The following PIK3AP1 variants were observed in gnomAD, a reference collection of about 807,000 sequenced individuals.
The protein encoded by PIK3AP1 is phosphoinositide-3-kinase adaptor protein 1, also known as phosphoinositide 3-kinase adapter protein 1.
In PIK3AP1, 21 loss-of-function variants were observed where a neutral mutation model predicts 88.1. The ratio of observed to expected loss-of-function variants is 0.24; its 90% CI spans 0.17 to 0.34. The LOEUF (loss-of-function observed/expected upper bound fraction) is 0.34. Ranked by LOEUF, PIK3AP1 falls within the 10% of genes least tolerant of loss-of-function variation. The pLI is 1.00. For synonymous variants in PIK3AP1, 398 were observed against 400.0 expected, an observed-to-expected ratio of 1.00 and a Z score of 0.06; for missense variants, 828 against 1,035.7, an observed-to-expected ratio of 0.80 and a Z score of 2.75.
chr10:96,600,835 C>A (rs1183932690), intron 16 of PIK3AP1, among the ~76,000 whole-genome samples: 1 of 152,172 alleles, frequency 6.6e-6, no homozygotes, highest in African/African-American at 2.4e-5. Flanking sequence ...TTTTAAACAT[C>A]GAAGAGTTAA....
intron 13 of PIK3AP1, among the ~76,000 whole-genome samples, chr10:96,616,230 T>A (rs1041114745): frequency 5.9e-5 from 9 of 152,200 alleles, no homozygotes; most frequent in Admixed American, 2.0e-4. Flanking sequence ...TGGATGCAGA[T>A]GACGCCATTG....
At chr10:96,677,766 A>T (rs1243394514) in intron 2 of PIK3AP1, among the ~76,000 whole-genome samples, 1 of 152,178 alleles carries the variant, frequency 6.6e-6, no homozygotes, top group East Asian at 1.9e-4. Context: ...TTCACTGTTC[A>T]TTTAGGTACA....
intron 3 of PIK3AP1, among the ~76,000 whole-genome samples, chr10:96,654,400 C>T (rs967039266): frequency 6.6e-6 from 1 of 152,146 alleles, no homozygotes; most frequent in African/African-American, 2.4e-5. Flanking sequence ...ATTAGCCCTT[C>T]ATGACAAGGG....
At chr10:96,595,670 T>G (rs1406787661) in intron 16 of PIK3AP1, 36 bp from the exon 17 acceptor site, 1 of 1,599,710 alleles carries the variant, frequency 6.3e-7, no homozygotes, top group South Asian at 1.1e-5. Flanking sequence ...ATTTAAAAAC[T>G]AATTTGATTA....
In PIK3AP1 at chr10:96,624,428, G is replaced by A. The variant is rs7905044; in HGVS notation, c.1670-891C>T. ...TTCTGTATTATTTCATCTGACCTTC[G>A]CAATAAGGCTATGGCAGAGTATTAG... On this transcript the variant is annotated intron_variant, in intron 10 of 16. Coordinates refer to ENST00000339364, the MANE Select transcript of PIK3AP1 (RefSeq NM_152309.3). 2.8e-3 allele frequency among the ~76,000 whole-genome samples: 433 copies of A among 152,216 alleles called. 3 individuals carry two copies. The highest frequency in any genetic ancestry group is 9.9e-3 in the African/African-American group (413 of 41,514).
At chr10:96,665,354 G>A (rs61856771) in intron 2 of PIK3AP1, among the ~76,000 whole-genome samples, 112 of 152,298 alleles carry the variant, frequency 7.4e-4, no homozygotes, top group African/African-American at 2.6e-3. Context: ...TAAAAGGAAC[G>A]AGCGAACATT....
intron 8 of PIK3AP1, among the ~76,000 whole-genome samples, chr10:96,631,961 A>G (rs1233695104): frequency 6.6e-6 from 1 of 152,220 alleles, no homozygotes; most frequent in East Asian, 1.9e-4. Context: ...AGACTTAAGA[A>G]CATCATGACT....
chr10:96,709,843 A>T lies in PIK3AP1; in HGVS notation c.154T>A (p.Ser52Thr). 1 of 1,613,948 alleles carries T rather than the reference A, an allele frequency of 6.2e-7. No individual in the cohort carries two copies. Among genetic ancestry groups the T allele is most frequent in the Non-Finnish European group, 8.5e-7 (1 of 1,179,974 alleles). ...ILTHRLGPEA[S>T]FSAEDLSLFL... ...AGGCTTAGGTCCTCTGCCGAGAAGG[A>T]GGCCTCGGGGCCCAGCCTGTGAGTC... Residue 52 changes from serine to threonine, a missense_variant, in exon 2 of 17, where the codon TCC becomes ACC. By Grantham distance (58) the Ser-to-Thr change is moderately conservative. Coordinates refer to ENST00000339364, the MANE Select transcript of PIK3AP1 (RefSeq NM_152309.3).
intron 2 of PIK3AP1, among the ~76,000 whole-genome samples, chr10:96,697,645 C>T (rs762411300): frequency 6.6e-6 from 1 of 152,128 alleles, no homozygotes; most frequent in African/African-American, 2.4e-5. Context: ...GAGAGGATCG[C>T]TTGAGCCTGG....
At chr10:96,701,950 A>T (rs1192943089) in intron 2 of PIK3AP1, among the ~76,000 whole-genome samples, 1 of 152,276 alleles carries the variant, frequency 6.6e-6, no homozygotes, top group Non-Finnish European at 1.5e-5. Flanking sequence ...GAAAAGTTAC[A>T]CAATGGAATA....
intron 13 of PIK3AP1, among the ~76,000 whole-genome samples, 181 bp from the exon 14 acceptor site, chr10:96,610,048 T>C (rs1484519687): frequency 2.6e-5 from 4 of 152,142 alleles, no homozygotes; most frequent in Admixed American, 2.0e-4. Context: ...CCTTCAGCAC[T>C]GAAACTACTG....
At chr10:96,702,614 C>CCACACACACA (rs3035892) in intron 2 of PIK3AP1, among the ~76,000 whole-genome samples, 34 of 145,172 alleles carry the variant, frequency 2.3e-4, no homozygotes, top group African/African-American at 8.3e-4. Flanking sequence ...AGTGTTCTCA[C>CCACACACACA]CACACACACA....
chr10:96,712,996 G>T (rs879873101), intron 1 of PIK3AP1, among the ~76,000 whole-genome samples: 1 of 152,186 alleles, frequency 6.6e-6, no homozygotes, highest in Non-Finnish European at 1.5e-5. Flanking sequence ...TTTTCAATAG[G>T]GTTGGCAAGT....
chr10:96,718,248 GA>G (rs1043233141), intron 1 of PIK3AP1, among the ~76,000 whole-genome samples: 3 of 152,360 alleles, frequency 2.0e-5, no homozygotes, highest in South Asian at 4.1e-4. Context: ...TATCTGTAAA[GA>G]TACTAAAAAC....
At chr10:96,685,187 G>A (rs1433786190) in intron 2 of PIK3AP1, among the ~76,000 whole-genome samples, 2 of 152,152 alleles carry the variant, frequency 1.3e-5, no homozygotes, top group Non-Finnish European at 2.9e-5. Flanking sequence ...CTTTTTTAGA[G>A]TTCCTTAGAT....
At chr10:96,689,883 A>G (rs2134272630) in intron 2 of PIK3AP1, among the ~76,000 whole-genome samples, 1 of 152,178 alleles carries the variant, frequency 6.6e-6, no homozygotes, top group East Asian at 1.9e-4. Context: ...GCGCAGGCCC[A>G]CAGCACCTCT....
At chr10:96,646,078 G>A (rs1843455751) in intron 7 of PIK3AP1, among the ~76,000 whole-genome samples, 1 of 152,136 alleles carries the variant, frequency 6.6e-6, no homozygotes, top group South Asian at 2.1e-4. Context: ...TGGCCAAAAT[G>A]GCAAAACCTC....
At chr10:96,606,613 T>C (rs754485896) in intron 14 of PIK3AP1, among the ~76,000 whole-genome samples, 2 of 152,210 alleles carry the variant, frequency 1.3e-5, no homozygotes, top group Admixed American at 1.3e-4. Context: ...ACTCTGGCCC[T>C]AGCTCCCATC....
At chr10:96,607,268 T>C (rs1849018295) in intron 14 of PIK3AP1, among the ~76,000 whole-genome samples, 1 of 152,144 alleles carries the variant, frequency 6.6e-6, no homozygotes, top group Non-Finnish European at 1.5e-5. Context: ...CAGGAAGACA[T>C]AGATGTGAAT....
Sources: allele counts gnomAD v4.1 joint callset (sites outside exome capture counted in the v4.1 genomes callset), GRCh38; gene constraint gnomAD v4.1.1; transcripts MANE v1.5; gene names NCBI Gene and HGNC (gene_info 2026-07-23, HGNC 2026-07-21).